Variants in PBRM1 observed in about 807,000 individuals in gnomAD.
The protein encoded by PBRM1 is protein polybromo-1.
PBRM1 carries 27 observed loss-of-function variants against 194.5 expected under a neutral mutation model. The observed-to-expected ratio is 0.14, with a 90% confidence interval of 0.10 to 0.19. The LOEUF is 0.19. Ranked by LOEUF, PBRM1 falls within the 10% of genes least tolerant of loss-of-function variation. PBRM1 has a pLI of 1.00. For missense variants in PBRM1, 1,466 were observed against 2,077.2 expected (o/e 0.71, Z 5.72); for synonymous variants, 655 against 693.2 (o/e 0.94, Z 0.87).
chr3:52,555,388 T>C (rs1025114416), intron 26 of PBRM1, among the ~76,000 whole-genome samples: 3 of 152,210 alleles, frequency 2.0e-5, no homozygotes, highest in African/African-American at 7.2e-5. Flanking sequence ...GGGCAGGAAT[T>C]GTTCAAGACT....
At chr3:52,607,717 T>C (rs1461423130) in intron 16 of PBRM1, among the ~76,000 whole-genome samples, 1 of 152,204 alleles carries the variant, frequency 6.6e-6, no homozygotes. Context: ...ATTACATGCA[T>C]CTAGAATATG....
chr3:52,599,604 GATCGAGACCAT>G (rs2093838844), intron 17 of PBRM1, among the ~76,000 whole-genome samples: 1 of 149,314 alleles, frequency 6.7e-6, no homozygotes, highest in African/African-American at 2.5e-5. Context: ...GAGGTCAGGA[GATCGAGACCAT>G]CCTGGCTAAC....
At chr3:52,627,654 G>A (rs2095488182) in intron 12 of PBRM1, among the ~76,000 whole-genome samples, 1 of 152,226 alleles carries the variant, frequency 6.6e-6, no homozygotes, top group South Asian at 2.1e-4. Flanking sequence ...ACTGAGGCAA[G>A]CTGTAGAAGC....
At chr3:52,584,294 G>A (rs567631010) in intron 20 of PBRM1, among the ~76,000 whole-genome samples, 13 of 151,916 alleles carry the variant, frequency 8.6e-5, no homozygotes, top group Non-Finnish European at 1.8e-4. Context: ...TTGCTAAAGT[G>A]TATTCAACAC....
rs780009272 is a variant in PBRM1, at chr3:52,642,053, A to G, written c.996-8T>C. 3 of 1,424,880 alleles carry G rather than the reference A, an allele frequency of 2.1e-6. No homozygotes were observed. The highest frequency in any genetic ancestry group is 3.0e-6 in the Non-Finnish European group (3 of 1,013,032). The allele number at this position is 1,424,880 out of a possible 1,614,324, so 88.3% of individuals were successfully genotyped here. ...TGTACTGCTCTTTTATTACTACAAA[A>G]AAAAAAAAAGCAATTAGACAGGGAA... is the stretch of plus-strand genomic sequence containing the variant. On this transcript the variant is annotated splice_polypyrimidine_tract_variant and splice_region_variant and intron_variant, in intron 9 of 29. Coordinates refer to ENST00000296302, the Ensembl canonical transcript of PBRM1.
At chr3:52,586,935 C>G (rs2153784921) in intron 19 of PBRM1, among the ~76,000 whole-genome samples, 1 of 152,148 alleles carries the variant, frequency 6.6e-6, no homozygotes. Flanking sequence ...ATTTAGCTTA[C>G]AATTGCTCTT....
At chr3:52,593,505 T>C (rs1285025714) in intron 17 of PBRM1, among the ~76,000 whole-genome samples, 1 of 152,130 alleles carries the variant, frequency 6.6e-6, no homozygotes, top group Non-Finnish European at 1.5e-5. Flanking sequence ...CCAAAATGCT[T>C]GGATTATAGG....
At chr3:52,660,720 C>G (rs1430869185) in intron 4 of PBRM1, among the ~76,000 whole-genome samples, 1 of 152,062 alleles carries the variant, frequency 6.6e-6, no homozygotes, top group Non-Finnish European at 1.5e-5. Context: ...ACCATGTTGG[C>G]CAGGCTGGTC....
At chr3:52,584,554 C>T (rs2092050453) in intron 20 of PBRM1, among the ~76,000 whole-genome samples, 1 of 144,256 alleles carries the variant, frequency 6.9e-6, no homozygotes, top group East Asian at 2.1e-4. Flanking sequence ...CTCCTGGGCT[C>T]ATGGGATACC....
chr3:52,654,642 C>T (rs1462244089), intron 5 of PBRM1, among the ~76,000 whole-genome samples: 4 of 152,122 alleles, frequency 2.6e-5, no homozygotes, highest in African/African-American at 9.7e-5. Context: ...ATGGGGGGAA[C>T]TAATTATTGA....
chr3:52,546,060 C>T (rs544709704), downstream of PBRM1: 5 of 233,180 alleles, frequency 2.1e-5, no homozygotes, highest in South Asian at 9.1e-4. Context: ...TTTCCTATAG[C>T]ACCTCTAGGC....
At chr3:52,574,246 G>C (rs1055904221) in intron 22 of PBRM1, among the ~76,000 whole-genome samples, 1 of 152,192 alleles carries the variant, frequency 6.6e-6, no homozygotes, top group African/African-American at 2.4e-5. Context: ...AAGAGTGTAA[G>C]AGACAGCAAA....
intron 16 of PBRM1, among the ~76,000 whole-genome samples, chr3:52,604,141 C>T (rs558820765): frequency 1.9e-4 from 29 of 152,266 alleles, no homozygotes; most frequent in African/African-American, 4.8e-4. Context: ...AATAGCAGAC[C>T]GATGTGTTAC....
chr3:52,677,129 A>G (rs2097123478), intron 2 of PBRM1, among the ~76,000 whole-genome samples: 1 of 152,198 alleles, frequency 6.6e-6, no homozygotes, highest in African/African-American at 2.4e-5. Flanking sequence ...GAAAAGCTTC[A>G]TGATATTGGA....
chr3:52,637,690 G>C (rs1436230890), intron 10 of PBRM1, among the ~76,000 whole-genome samples: 1 of 150,052 alleles, frequency 6.7e-6, no homozygotes, highest in African/African-American at 2.5e-5. Flanking sequence ...CACTTTGGGA[G>C]GCTGAGGCGG....
At chr3:52,573,831 T>C (rs892353564) in intron 22 of PBRM1, among the ~76,000 whole-genome samples, 11 of 152,186 alleles carry the variant, frequency 7.2e-5, no homozygotes, top group African/African-American at 2.7e-4. Flanking sequence ...CATTTTAACT[T>C]ACCCTCACTC....
chr3:52,560,409 T>C (rs1000951648), intron 25 of PBRM1, among the ~76,000 whole-genome samples: 5 of 152,228 alleles, frequency 3.3e-5, no homozygotes, highest in African/African-American at 9.6e-5. Context: ...TAGGTTCTTA[T>C]GGAACTGACT....
intron 17 of PBRM1, among the ~76,000 whole-genome samples, chr3:52,597,567 AT>A (rs899880806): frequency 1.6e-4 from 24 of 151,554 alleles, no homozygotes; most frequent in African/African-American, 4.4e-4. Context: ...AGAGACTAGA[AT>A]TTTTTTTTGT....
In PBRM1 at chr3:52,572,129, G is replaced by GAAA. The variant is rs10634292; in HGVS notation, c.3691+4409_3691+4411dup. Reference sequence around the variant, plus strand: ...GATTTTCTACATACCTAATATTTTTGAAAAAAAAAAAAAAGGCCCTTTTGT... The same window carrying GAAA: ...GATTTTCTACATACCTAATATTTTTGAAAAAAAAAAAAAAAAAGGCCCTTTTGT... On this transcript the variant is annotated intron_variant, in intron 22 of 29. Coordinates refer to ENST00000296302, the Ensembl canonical transcript of PBRM1. 6.9e-3 allele frequency among the ~76,000 whole-genome samples: 753 copies of GAAA among 109,412 alleles called. 9 individuals are homozygous for GAAA. The highest frequency in any genetic ancestry group is 0.021 in the African/African-American group (701 of 33,684). 71.8% of individuals were successfully genotyped at this position (109,412 alleles called of 152,430 possible).
Sources: gnomAD v4.1 joint callset for allele counts (sites outside exome capture counted in the v4.1 genomes callset) on GRCh38, gnomAD v4.1.1 for gene constraint, MANE v1.5 for transcripts, NCBI Gene and HGNC (gene_info 2026-07-23, HGNC 2026-07-21) for gene names.